The following XIRP2 variants were observed in gnomAD, a reference collection of about 807,000 sequenced individuals.
The protein encoded by XIRP2 is xin actin binding repeat containing 2.
XIRP2 carries 236 observed loss-of-function variants against 277.0 expected under a neutral mutation model. The observed-to-expected ratio is 0.85, with a 90% CI of 0.77 to 0.95. The LOEUF is 0.95. XIRP2 is among the 40% of genes least tolerant of loss of function. XIRP2 has a pLI of 0.00. For missense variants in XIRP2, 4,640 were observed against 4,157.5 expected (o/e 1.12, Z -3.19); for synonymous variants, 1,490 against 1,416.5 (o/e 1.05, Z -1.17).
intron 2 of XIRP2, among the ~76,000 whole-genome samples, chr2:167,112,632 T>TAAAA (rs1690792003): frequency 6.7e-6 from 1 of 149,270 alleles, no homozygotes; most frequent in Non-Finnish European, 1.5e-5. Context: ...TATTTTTATG[T>TAAAA]ATATATATAG....
chr2:167,067,422 C>T (rs948729215), intron 2 of XIRP2, among the ~76,000 whole-genome samples: 1 of 151,892 alleles, frequency 6.6e-6, no homozygotes, highest in African/African-American at 2.4e-5. Flanking sequence ...TCATGGCTTT[C>T]CTCTGCCACC....
At position 166,994,688 on chromosome 2, in the gene XIRP2, C is replaced by CA. The variant is rs572251724; in HGVS notation, c.408+90812dup. Among the ~76,000 whole-genome samples the CA allele has an allele frequency of 6.0e-3, 649 of 107,368 alleles. 10 individuals are homozygous for CA. The highest frequency in any genetic ancestry group is 0.033 in the South Asian group (107 of 3,262). 70.4% of individuals were successfully genotyped at this position (107,368 alleles called of 152,430 possible). A position where few individuals can be genotyped will look rare whatever the true frequency, so the allele number is the denominator to read the frequency against. ...TTAAAGCCTGGATTCCTCAGTCTAT[C>CA]AAAAAAAAAAAAAACTTTAAAAATT... is the stretch of plus-strand genomic sequence containing the variant. On this transcript the variant is annotated intron_variant, in intron 2 of 10. Coordinates refer to ENST00000409195, the MANE Select transcript of XIRP2 (RefSeq NM_152381.6).
In XIRP2 at chr2:167,247,884, C is replaced by G; in HGVS notation, c.6492C>G (p.Thr2164=). 1 of 1,613,482 alleles carries G rather than the reference C, an allele frequency of 6.2e-7. No homozygotes were observed. Among genetic ancestry groups the G allele is most frequent in the Non-Finnish European group, 8.5e-7 (1 of 1,179,728 alleles). Residue 2164 remains threonine (T), a synonymous_variant, in exon 9 of 11, where the codon ACC becomes ACG. Transcript: ENST00000409195. ...TDTQSSKPSP[T]QHPVSMPVGG... is the part of the protein sequence containing the mutation. ...CACAAAGCTCCAAGCCCAGTCCCAC[C>G]CAGCATCCAGTCAGCATGCCAGTTG... is the stretch of plus-strand genomic sequence containing the variant.
At chr2:167,022,922 C>A (rs1475154049) in intron 2 of XIRP2, among the ~76,000 whole-genome samples, 2 of 152,078 alleles carry the variant, frequency 1.3e-5, no homozygotes, top group East Asian at 3.9e-4. Context: ...CATATGTGTG[C>A]ATGTGTCTTT....
intron 2 of XIRP2, among the ~76,000 whole-genome samples, chr2:167,069,475 G>A (rs1190974094): frequency 6.6e-6 from 1 of 152,054 alleles, no homozygotes; most frequent in African/African-American, 2.4e-5. Flanking sequence ...CCTCTAGTGT[G>A]TCCCACACTC....
At chr2:167,010,852 C>G (rs1280425792) in intron 2 of XIRP2, among the ~76,000 whole-genome samples, 1 of 151,912 alleles carries the variant, frequency 6.6e-6, no homozygotes, top group Non-Finnish European at 1.5e-5. Context: ...GGAGTTCACT[C>G]ATGATTTGGC....
chr2:167,164,378 G>A (rs185059688), intron 3 of XIRP2, among the ~76,000 whole-genome samples: 365 of 150,028 alleles, frequency 2.4e-3, no homozygotes, highest in Non-Finnish European at 4.4e-3. Context: ...CCCGGGAGGC[G>A]GAGCTTGCAG....
In XIRP2 at chr2:166,896,713, T is replaced by C. The variant is rs373343846; in HGVS notation, c.-18-6752T>C. On this transcript the variant is annotated intron_variant, in intron 1 of 10. Coordinates refer to ENST00000409195, the MANE Select transcript of XIRP2 (RefSeq NM_152381.6). ...ATAAATTTAATGTCACCTATGTATA[T>C]ATAATGTTTATAAAGTCTACAGCAG... Among the ~76,000 whole-genome samples the C allele has an allele frequency of 6.6e-5, 10 of 152,274 alleles. No individual in the cohort carries two copies. The East Asian group carries it at 1.9e-3, about 29-fold the overall frequency.
chr2:167,107,865 A>G (rs903203942), intron 2 of XIRP2, among the ~76,000 whole-genome samples: 1 of 151,524 alleles, frequency 6.6e-6, no homozygotes, highest in Non-Finnish European at 1.5e-5. Flanking sequence ...TTGTGTTTGT[A>G]TGTTTCTTTT....
chr2:167,241,838 G>A lies in XIRP2; in HGVS notation c.1104G>A (p.Gln368=), dbSNP rs1313144668. 1.2e-6 allele frequency: 2 copies of A among 1,613,604 alleles called. No individual in the cohort carries two copies. Among genetic ancestry groups the A allele is most frequent in the South Asian group, 2.2e-5 (2 of 91,042 alleles). ...TTTCGACTAAGTTGTTAAAAGAGCAGTTTGAAAAGTCTGCCCAGGAAAAGA... is the reference window on the plus strand; with the variant it reads ...TTTCGACTAAGTTGTTAAAAGAGCAATTTGAAAAGTCTGCCCAGGAAAAGA... The part of the protein sequence containing the change: ...PKVSTKLLKE[Q]FEKSAQEKIL... Residue 368 remains glutamine, a synonymous_variant, in exon 8 of 11, where the codon CAG becomes CAA. Coordinates refer to ENST00000409195, the MANE Select transcript of XIRP2 (RefSeq NM_152381.6).
rs772079490 is a variant in XIRP2, at chr2:167,247,480, A to G, written c.6088A>G (p.Ile2030Val). 15 of 1,613,672 alleles carry G rather than the reference A, an allele frequency of 9.3e-6. No individual in the cohort carries two copies. The East Asian group carries it at 2.7e-4, about 29-fold the overall frequency. Reference sequence around the variant, plus strand: ...CCCCAAAGGCACTGTAAAGATTGTCATAGATCGTGAACAAAACAATGATGC... The same window carrying G: ...CCCCAAAGGCACTGTAAAGATTGTCGTAGATCGTGAACAAAACAATGATGC... ...KAPKGTVKIV[I>V]DREQNNDALE... Residue 2030 changes from isoleucine to valine, a missense_variant, in exon 9 of 11, where the codon ATA (isoleucine) becomes GTA (valine). By Grantham distance (29) the Ile-to-Val change is conservative. Coordinates refer to ENST00000409195, the MANE Select transcript of XIRP2 (RefSeq NM_152381.6).
intron 3 of XIRP2, among the ~76,000 whole-genome samples, chr2:167,165,791 C>G (rs1049977611): frequency 2.0e-5 from 3 of 152,092 alleles, no homozygotes; most frequent in African/African-American, 7.2e-5. Context: ...CCATGGCTTG[C>G]CTTTTTATTC....
At chr2:167,018,111 CAAG>C (rs1341322007) in intron 2 of XIRP2, among the ~76,000 whole-genome samples, 3 of 151,996 alleles carry the variant, frequency 2.0e-5, no homozygotes, top group African/African-American at 7.2e-5. Flanking sequence ...CATCTCTCTA[CAAG>C]AAGTTCATTC....
intron 2 of XIRP2, among the ~76,000 whole-genome samples, chr2:166,920,931 GTATTTTGCC>G (rs939428002): frequency 3.3e-5 from 5 of 152,040 alleles, no homozygotes; most frequent in Non-Finnish European, 4.4e-5. Context: ...GCTAGTTTTT[GTATTTTGCC>G]TATTTTGCTA....
At chr2:167,148,501 A>AAGGG (rs1185573180) in intron 3 of XIRP2, among the ~76,000 whole-genome samples, 3 of 141,612 alleles carry the variant, frequency 2.1e-5, no homozygotes, top group Non-Finnish European at 4.6e-5. Context: ...GGAAAGAAGG[A>AAGGG]AGGGAGGGAG....
At chr2:167,063,038 T>C (rs964130330) in intron 2 of XIRP2, among the ~76,000 whole-genome samples, 1 of 152,034 alleles carries the variant, frequency 6.6e-6, no homozygotes, top group Non-Finnish European at 1.5e-5. Context: ...CTTCTAACAT[T>C]GATTTGAGAC....
intron 2 of XIRP2, among the ~76,000 whole-genome samples, chr2:167,081,977 G>C (rs773729773): frequency 5.3e-5 from 8 of 150,286 alleles, no homozygotes; most frequent in Admixed American, 5.3e-4. Context: ...TTAAGTTTTA[G>C]GGTACATGTG....
intron 2 of XIRP2, among the ~76,000 whole-genome samples, chr2:167,117,634 A>G (rs1690931959): frequency 6.6e-6 from 1 of 152,172 alleles, no homozygotes; most frequent in African/African-American, 2.4e-5. Context: ...CTGCAGTCTA[A>G]TCTACACCCA....
At chr2:166,997,440 A>G (rs1001325660) in intron 2 of XIRP2, among the ~76,000 whole-genome samples, 4 of 152,218 alleles carry the variant, frequency 2.6e-5, no homozygotes, top group Non-Finnish European at 5.9e-5. Context: ...AGTTGCTAAG[A>G]AAATCTGATT....
Sources: gnomAD v4.1 joint callset for allele counts (sites outside exome capture counted in the v4.1 genomes callset) on GRCh38, gnomAD v4.1.1 for gene constraint, MANE v1.5 for transcripts, NCBI Gene and HGNC (gene_info 2026-07-23, HGNC 2026-07-21) for gene names.